The following PTPN13 variants were observed in gnomAD, a reference collection of about 807,000 sequenced individuals.
PTPN13 encodes protein tyrosine phosphatase non-receptor type 13.
PTPN13 carries 191 observed loss-of-function variants against 284.0 expected under a neutral mutation model. The observed-to-expected ratio is 0.67, with a 90% confidence interval of 0.60 to 0.76. The LOEUF (loss-of-function observed/expected upper bound fraction) is 0.76. PTPN13 is among the 30% of genes least tolerant of loss of function. The pLI, the probability that PTPN13 is intolerant of heterozygous loss-of-function variation, is 0.00. For missense variants in PTPN13, 2,797 were observed against 2,939.9 expected (o/e 0.95, Z 1.12); for synonymous variants, 986 against 1,022.3 (o/e 0.96, Z 0.68).
intron 10 of PTPN13, among the ~76,000 whole-genome samples, chr4:86,727,180 A>G (rs1434878144): frequency 2.0e-5 from 3 of 149,528 alleles, no homozygotes; most frequent in Non-Finnish European, 1.5e-5. Flanking sequence ...ATCCTGGTGG[A>G]TAAGCTTTTT....
In PTPN13 at chr4:86,785,526, T is replaced by A. The variant is rs550133075; in HGVS notation, c.6256+158T>A. ...AACAGAATTTGTTATCTCCTATTTTTTTTATTTTCCATATTTGTAAGTGGG... is the reference window on the plus strand; with the variant it reads ...AACAGAATTTGTTATCTCCTATTTTATTTATTTTCCATATTTGTAAGTGGG... On this transcript the variant is annotated intron_variant, in intron 39 of 47. Transcript: ENST00000411767. Among the ~76,000 whole-genome samples the A allele has an allele frequency of 3.3e-5, 5 of 152,290 alleles. No homozygotes were observed. The South Asian group carries it at 8.3e-4, about 25-fold the overall frequency.
At chr4:86,737,165 G>A (rs899628608) in intron 15 of PTPN13, among the ~76,000 whole-genome samples, 7 of 151,906 alleles carry the variant, frequency 4.6e-5, no homozygotes, top group African/African-American at 1.2e-4. Context: ...TTGAGCCTGG[G>A]AGTTTGAGGC....
intron 36 of PTPN13, among the ~76,000 whole-genome samples, chr4:86,781,825 T>C (rs1211356217): frequency 6.6e-6 from 1 of 152,050 alleles, no homozygotes; most frequent in Non-Finnish European, 1.5e-5. Context: ...TAGCTGGGCA[T>C]GGTGGCACAC....
intron 2 of PTPN13, among the ~76,000 whole-genome samples, chr4:86,671,760 G>A (rs1273699740): frequency 6.6e-6 from 1 of 152,132 alleles, no homozygotes; most frequent in Non-Finnish European, 1.5e-5. Context: ...TATATACTTC[G>A]ACTCAAGACA....
intron 37 of PTPN13, 23 bp downstream of exon 37, chr4:86,782,285 T>C (rs774753553): frequency 1.3e-6 from 2 of 1,559,324 alleles, no homozygotes; most frequent in East Asian, 4.5e-5. Flanking sequence ...CCACCCTCTT[T>C]CATGTCATAC....
chr4:86,599,249 A>AT (rs763077688), intron 1 of PTPN13, among the ~76,000 whole-genome samples: 1 of 152,134 alleles, frequency 6.6e-6, no homozygotes, highest in East Asian at 1.9e-4. Flanking sequence ...ATGCAGCAAC[A>AT]TTTTTTGTGT....
chr4:86,722,471 G>A (rs748317972), intron 10 of PTPN13, 37 bp downstream of exon 10: 2 of 1,545,258 alleles, frequency 1.3e-6, no homozygotes, highest in South Asian at 1.1e-5. Flanking sequence ...ATCTAAACCT[G>A]CTCTCACAGG....
At chr4:86,769,662 G>A (rs1293147963) in intron 28 of PTPN13, 107 bp from the exon 29 acceptor site, 3 of 733,620 alleles carry the variant, frequency 4.1e-6, no homozygotes, top group Non-Finnish European at 6.6e-6. Flanking sequence ...TATAAATACG[G>A]GAAAATGGGC....
chr4:86,715,052 C>G (rs1732862099), intron 7 of PTPN13, among the ~76,000 whole-genome samples: 1 of 151,872 alleles, frequency 6.6e-6, no homozygotes, highest in Admixed American at 6.6e-5. Flanking sequence ...AGCGGTGTTT[C>G]TAACAGAAGG....
intron 15 of PTPN13, 69 bp from the exon 16 acceptor site, chr4:86,741,565 T>C: frequency 7.1e-7 from 1 of 1,412,812 alleles, no homozygotes; most frequent in Non-Finnish European, 9.8e-7. Flanking sequence ...AACCATATCA[T>C]ACAGCTTCAA....
At chr4:86,721,876 C>CT (rs1578495245) in intron 9 of PTPN13, among the ~76,000 whole-genome samples, 1 of 151,832 alleles carries the variant, frequency 6.6e-6, no homozygotes, top group Non-Finnish European at 1.5e-5. Context: ...TCCTGAGTAG[C>CT]CAGGACTACA....
At chr4:86,747,861 G>C (rs1736957786) in intron 17 of PTPN13, among the ~76,000 whole-genome samples, 1 of 152,162 alleles carries the variant, frequency 6.6e-6, no homozygotes, top group Non-Finnish European at 1.5e-5. Context: ...CGGTTAATGG[G>C]CTAACAAATG....
In PTPN13 at chr4:86,722,216, C is replaced by G. The variant is rs1252783121; in HGVS notation, c.1390C>G (p.Gln464Glu). 1 of 1,610,108 alleles carries G rather than the reference C, an allele frequency of 6.2e-7. No homozygotes were observed. The highest frequency in any genetic ancestry group is 1.7e-5 in the Admixed American group (1 of 59,968). Residue 464 changes from glutamine (Q) to glutamate (E), a missense_variant, in exon 10 of 48, where the codon CAA becomes GAA. Physicochemically the swap from Gln to Glu is conservative, Grantham distance 29 (BLOSUM62 2). Coordinates refer to ENST00000411767, the MANE Select transcript of PTPN13 (RefSeq NM_080683.3). ...TGTCTCCTCTTTTCTATATAGCAGACAATATGAAACACCCTTTGAAGGCAA... is the reference window on the plus strand; with the variant it reads ...TGTCTCCTCTTTTCTATATAGCAGAGAATATGAAACACCCTTTGAAGGCAA... The part of the protein sequence containing the change: ...SQGQSQRPSR[Q>E]YETPFEGNLI...
intron 44 of PTPN13, among the ~76,000 whole-genome samples, chr4:86,806,244 T>A (rs191930404): frequency 1.8e-4 from 28 of 152,176 alleles, no homozygotes; most frequent in South Asian, 1.7e-3. Flanking sequence ...TGATTTTTTT[T>A]AATTATGTAT....
At chr4:86,651,890 A>G (rs957794606) in intron 2 of PTPN13, among the ~76,000 whole-genome samples, 95 of 152,002 alleles carry the variant, frequency 6.2e-4, no homozygotes, top group Non-Finnish European at 1.5e-4. Context: ...ACCTTGGCTA[A>G]AAGTTTTTCA....
intron 2 of PTPN13, among the ~76,000 whole-genome samples, chr4:86,637,568 A>G (rs1296351574): frequency 6.6e-6 from 1 of 151,060 alleles, no homozygotes; most frequent in African/African-American, 2.4e-5. Flanking sequence ...AACAGAACCA[A>G]AGACAAAAAC....
intron 14 of PTPN13, 132 bp from the exon 15 acceptor site, chr4:86,735,459 ACTC>A (rs745316169): frequency 1.1e-4 from 101 of 897,798 alleles, no homozygotes; most frequent in Non-Finnish European, 1.6e-4. Context: ...TTCTTCTAAA[ACTC>A]ATTCCTCAGA....
chr4:86,612,553 T>C (rs1296037672), intron 1 of PTPN13, among the ~76,000 whole-genome samples: 2 of 152,108 alleles, frequency 1.3e-5, no homozygotes, highest in Non-Finnish European at 2.9e-5. Context: ...TGATGAAAAC[T>C]ATAAACCCAC....
chr4:86,692,716 T>G (rs1227191934), intron 5 of PTPN13, among the ~76,000 whole-genome samples: 1 of 152,170 alleles, frequency 6.6e-6, no homozygotes, highest in East Asian at 1.9e-4. Context: ...AAGATTACAT[T>G]TTGTTTTAAA....
Sources: gnomAD v4.1 joint callset for allele counts (sites outside exome capture counted in the v4.1 genomes callset) on GRCh38, gnomAD v4.1.1 for gene constraint, MANE v1.5 for transcripts, NCBI Gene and HGNC (gene_info 2026-07-23, HGNC 2026-07-21) for gene names.